Variants in ARHGAP29 observed in about 807,000 individuals in gnomAD.
The protein encoded by ARHGAP29 is rho GTPase-activating protein 29.
ARHGAP29 carries 43 observed loss-of-function variants against 122.6 expected under a neutral mutation model. The ratio of observed to expected loss-of-function variants is 0.35; its 90% confidence interval spans 0.27 to 0.45. The LOEUF (loss-of-function observed/expected upper bound fraction) is 0.45, where lower values mean the gene tolerates loss of function less well. ARHGAP29 is among the 20% of genes least tolerant of loss of function. The pLI is 1.00. For missense variants in ARHGAP29, 1,303 were observed against 1,477.2 expected, an observed-to-expected ratio of 0.88 and a Z score of 1.93; for synonymous variants, 506 against 497.1, an observed-to-expected ratio of 1.02 and a Z score of -0.24.
chr1:94,253,357 C>A (rs1408912956), intron 1 of ARHGAP29, among the ~76,000 whole-genome samples: 1 of 152,150 alleles, frequency 6.6e-6, no homozygotes, highest in Non-Finnish European at 1.5e-5. Flanking sequence ...GAACCAAGAC[C>A]AGGGCCCTTT....
chr1:94,259,997 G>A (rs952694426), intron 1 of ARHGAP29, among the ~76,000 whole-genome samples: 1 of 152,176 alleles, frequency 6.6e-6, no homozygotes, highest in Non-Finnish European at 1.5e-5. Context: ...TCTCTACGGA[G>A]TTTCTGTAGA....
In ARHGAP29 at chr1:94,220,326, T is replaced by C. The variant is rs900852257; in HGVS notation, c.272A>G (p.Asn91Ser). 6.2e-7 allele frequency: 1 copy of C among 1,613,522 alleles called. No individual in the cohort carries two copies. The highest frequency in any genetic ancestry group is 8.5e-7 in the Non-Finnish European group (1 of 1,179,596). ...AACAGAATTGAGGTTCTGATGTTTATTCATTATAGACTTTAAAACACGGAG... is the reference window on the plus strand; with the variant it reads ...AACAGAATTGAGGTTCTGATGTTTACTCATTATAGACTTTAAAACACGGAG... ...ELLRVLKSIM[N>S]KHQNLNSVDL... Residue 91 changes from asparagine (N) to serine (S), a missense_variant, in exon 3 of 23, where the codon AAT becomes AGT. Around this residue, in one of 3 missense-constraint regions of ARHGAP29, gnomAD observed 592 missense variants for 648.2 expected, o/e 0.91. Coordinates refer to ENST00000260526, the MANE Select transcript of ARHGAP29 (RefSeq NM_004815.4).
chr1:94,203,322 A>G (rs966377186), intron 8 of ARHGAP29, 112 bp from the exon 9 acceptor site: 14 of 624,758 alleles, frequency 2.2e-5, no homozygotes, highest in Non-Finnish European at 3.3e-5. Context: ...TTGCCCCCAG[A>G]AAAATAACTA....
chr1:94,218,023 C>G (rs1652061374), intron 3 of ARHGAP29, among the ~76,000 whole-genome samples: 1 of 152,190 alleles, frequency 6.6e-6, no homozygotes, highest in Non-Finnish European at 1.5e-5. Context: ...AAAATGGTTT[C>G]TACTTACCCT....
At chr1:94,246,758 T>C (rs1405585564) in intron 1 of ARHGAP29, among the ~76,000 whole-genome samples, 2 of 152,120 alleles carry the variant, frequency 1.3e-5, no homozygotes, top group African/African-American at 4.8e-5. Context: ...GACCGGGTCC[T>C]GGGACACCTA....
In ARHGAP29 at chr1:94,173,549, C is replaced by A; in HGVS notation, c.*320G>T. 1 of 229,462 alleles carries A rather than the reference C, an allele frequency of 4.4e-6. No homozygotes were observed. The highest frequency in any genetic ancestry group is 8.9e-5 in the South Asian group (1 of 11,244). 14.2% of individuals were successfully genotyped at this position (229,462 alleles called of 1,614,324 possible). Reference sequence around the variant, plus strand: ...TTGCACCTATTAGTTGAGACTATATCATATATTAGGGATGCATTCAAATGG... The same window carrying A: ...TTGCACCTATTAGTTGAGACTATATAATATATTAGGGATGCATTCAAATGG... On this transcript the variant is annotated 3_prime_UTR_variant, in exon 23 of 23. Transcript: ENST00000260526.
chr1:94,302,772 C>G, the ARHGAP29 span: 3 of 304,578 alleles, frequency 9.8e-6, no homozygotes, highest in Non-Finnish European at 1.3e-5. Context: ...TCTGGAGAAA[C>G]CAGCCAAATA....
chr1:94,304,024 T>A, the ARHGAP29 span, among the ~76,000 whole-genome samples: 16 of 152,386 alleles, frequency 1.0e-4, no homozygotes, highest in East Asian at 3.1e-3. Flanking sequence ...TGACCCCAGT[T>A]ACTTTTCTAG....
intron 1 of ARHGAP29, among the ~76,000 whole-genome samples, chr1:94,265,450 A>G (rs1308789712): frequency 6.6e-6 from 1 of 152,210 alleles, no homozygotes; most frequent in East Asian, 1.9e-4. Flanking sequence ...GGGGCCTAAT[A>G]TGTGAGTATG....
the ARHGAP29 span, among the ~76,000 whole-genome samples, chr1:94,300,332 A>G: frequency 6.6e-6 from 1 of 152,200 alleles, no homozygotes; most frequent in Non-Finnish European, 1.5e-5. Flanking sequence ...TCCCTGCTCT[A>G]AGAGCCCTAA....
In ARHGAP29 at chr1:94,220,313, G is replaced by A. The variant is rs758405307; in HGVS notation, c.285C>T (p.Asn95=). ...VLKSIMNKHQ[N]LNSVDLQNAA... is the part of the protein sequence containing the mutation. ...CATTTTGAAGATCAACAGAATTGAGGTTCTGATGTTTATTCATTATAGACT... is the reference window on the plus strand; with the variant it reads ...CATTTTGAAGATCAACAGAATTGAGATTCTGATGTTTATTCATTATAGACT... The change falls in exon 3 of 23, where the codon AAC becomes AAT. Residue 95 remains asparagine, a synonymous_variant. Coordinates refer to ENST00000260526, the MANE Select transcript of ARHGAP29 (RefSeq NM_004815.4). 1.2e-6 allele frequency: 2 copies of A among 1,613,216 alleles called. No individual in the cohort carries two copies. The highest frequency in any genetic ancestry group is 2.7e-5 in the African/African-American group (2 of 74,852).
intron 3 of ARHGAP29, among the ~76,000 whole-genome samples, chr1:94,217,399 T>C (rs1465570195): frequency 6.6e-6 from 1 of 151,992 alleles, no homozygotes; most frequent in Non-Finnish European, 1.5e-5. Flanking sequence ...GTGGGTGTGG[T>C]GGCACATACC....
At chr1:94,268,281 T>C (rs1654853213) in intron 1 of ARHGAP29, among the ~76,000 whole-genome samples, 1 of 152,144 alleles carries the variant, frequency 6.6e-6, no homozygotes, top group Admixed American at 6.6e-5. Flanking sequence ...AAGTTTTTGT[T>C]CAAATCTTAC....
intron 1 of ARHGAP29, among the ~76,000 whole-genome samples, chr1:94,264,641 T>C (rs144280697): frequency 1.6e-4 from 24 of 152,224 alleles, no homozygotes; most frequent in African/African-American, 5.3e-4. Flanking sequence ...TCGGCCTGCC[T>C]TATTACCTGG....
intron 2 of ARHGAP29, among the ~76,000 whole-genome samples, chr1:94,227,310 A>G (rs1403499599): frequency 6.6e-6 from 1 of 151,772 alleles, no homozygotes; most frequent in Non-Finnish European, 1.5e-5. Flanking sequence ...CTCTTAAATT[A>G]GAAAGCATCT....
chr1:94,259,462 T>C (rs931047500), intron 1 of ARHGAP29, among the ~76,000 whole-genome samples: 5 of 152,112 alleles, frequency 3.3e-5, no homozygotes, highest in African/African-American at 1.2e-4. Flanking sequence ...GGAAATAGGG[T>C]CTTTGCAGAT....
At position 94,179,873 on chromosome 1, in the gene ARHGAP29, CTTG is replaced by C. The variant is rs1301801780; in HGVS notation, c.2329_2331del (p.Gln777del). ...TCTTCAAGACTATTCTTTTTTGTCT[CTTG>C]TTCTTCATTTACATGTTGGATCTCT... On this transcript the variant is annotated inframe_deletion, in exon 20 of 23. Transcript: ENST00000260526. 6.2e-7 allele frequency: 1 copy of C among 1,613,062 alleles called. No individual in the cohort carries two copies. Among genetic ancestry groups the C allele is most frequent in the Non-Finnish European group, 8.5e-7 (1 of 1,179,572 alleles).
intron 20 of ARHGAP29, among the ~76,000 whole-genome samples, chr1:94,178,591 A>G (rs1372312910): frequency 6.6e-6 from 1 of 152,074 alleles, no homozygotes; most frequent in Non-Finnish European, 1.5e-5. Flanking sequence ...CTCTGGCCTC[A>G]CTTCAAGCTC....
chr1:94,188,924 A>T lies in ARHGAP29; in HGVS notation c.1594T>A (p.Ser532Thr). The change falls in exon 15 of 23, where the codon TCA (serine) becomes ACA (threonine). Residue 532 changes from serine to threonine, a missense_variant. By Grantham distance (58) the Ser-to-Thr change is moderately conservative. Coordinates refer to ENST00000260526, the MANE Select transcript of ARHGAP29 (RefSeq NM_004815.4). ...ADITGPSFIR[S>T]WTFGMFSDSE... is the part of the protein sequence containing the mutation. The stretch of plus-strand genomic sequence containing the variant: ...TCACTAAACATCCCAAATGTCCATG[A>T]TCTTATAAAGGAAGGACCTTTAATA... 5 of 1,613,040 alleles carry T rather than the reference A, an allele frequency of 3.1e-6. No individual in the cohort carries two copies. Among genetic ancestry groups the T allele is most frequent in the Non-Finnish European group, 3.4e-6 (4 of 1,179,230 alleles).
Sources: gnomAD v4.1 joint callset for allele counts (sites outside exome capture counted in the v4.1 genomes callset) on GRCh38, gnomAD v4.1.1 for gene constraint, gnomAD v4.1.1 regional missense constraint, MANE v1.5 for transcripts, NCBI Gene and HGNC (gene_info 2026-07-23, HGNC 2026-07-21) for gene names.